RFX7: variants seen among roughly 807,000 people sequenced by gnomAD.
RFX7 encodes the protein DNA-binding protein RFX7.
A neutral mutation model predicts 111.8 loss-of-function variants in RFX7; 26 were observed. The observed-to-expected ratio is 0.23, with a 90% confidence interval of 0.17 to 0.32. The LOEUF (loss-of-function observed/expected upper bound fraction) is 0.32. RFX7 is among the 10% of genes least tolerant of loss of function. The pLI, the probability that RFX7 is intolerant of heterozygous loss-of-function variation, is 1.00. For synonymous variants in RFX7, 624 were observed against 624.4 expected (o/e 1.00, Z 0.01); for missense variants, 1,573 against 1,772.9 (o/e 0.89, Z 2.02).
rs966008123 is a variant in RFX7 at position 56,237,935 on chromosome 15, G to C, written c.161+5190C>G. ...TTTTGTGTGCTTGGTATTGAAGACAGGCTAAACTCAGGGTAGGTAGGAGGT... is the reference window on the plus strand; with the variant it reads ...TTTTGTGTGCTTGGTATTGAAGACACGCTAAACTCAGGGTAGGTAGGAGGT... On this transcript the variant is annotated intron_variant, in intron 2 of 9. Transcript: ENST00000559447. Among the ~76,000 whole-genome samples the C allele has an allele frequency of 2.6e-5, 4 of 152,136 alleles. No homozygotes were observed. The South Asian group carries it at 8.3e-4, about 32-fold the overall frequency.
chr15:56,099,786 C>G (rs2041729278), intron 8 of RFX7, among the ~76,000 whole-genome samples: 1 of 152,064 alleles, frequency 6.6e-6, no homozygotes, highest in African/African-American at 2.4e-5. Flanking sequence ...CCCTCTCAGG[C>G]TGATTGCTTT....
intron 2 of RFX7, among the ~76,000 whole-genome samples, chr15:56,205,861 T>TAA (rs568571729): frequency 1.8e-4 from 28 of 152,198 alleles, no homozygotes; most frequent in African/African-American, 6.7e-4. Context: ...ACTCACAGGT[T>TAA]AAAAAAAGAG....
intron 3 of RFX7, among the ~76,000 whole-genome samples, chr15:56,157,935 T>C (rs1252976875): frequency 1.3e-5 from 2 of 152,226 alleles, no homozygotes; most frequent in Admixed American, 1.3e-4. Context: ...CTGACTCTTC[T>C]AGAACTTATG....
At chr15:56,143,324 CAT>C (rs570317793) in intron 4 of RFX7, among the ~76,000 whole-genome samples, 80 of 147,796 alleles carry the variant, frequency 5.4e-4, no homozygotes, top group Non-Finnish European at 8.8e-4. Flanking sequence ...TATATATACA[CAT>C]GTATACACAT....
chr15:56,111,350 C>G (rs1224666722), intron 5 of RFX7, among the ~76,000 whole-genome samples: 1 of 151,964 alleles, frequency 6.6e-6, no homozygotes. Flanking sequence ...GACCTTACCC[C>G]CAACCCGGTG....
intron 5 of RFX7, among the ~76,000 whole-genome samples, chr15:56,108,960 A>G (rs547216434): frequency 6.6e-6 from 1 of 152,316 alleles, no homozygotes; most frequent in South Asian, 2.1e-4. Flanking sequence ...ACAGAGAATA[A>G]AATACCTAGC....
intron 2 of RFX7, among the ~76,000 whole-genome samples, chr15:56,212,170 T>A (rs910175580): frequency 9.9e-5 from 15 of 152,080 alleles, no homozygotes; most frequent in South Asian, 2.1e-4. Flanking sequence ...GATTCAGTGC[T>A]AAAAAGAAAT....
intron 3 of RFX7, among the ~76,000 whole-genome samples, chr15:56,167,182 C>T (rs1283554666): frequency 6.6e-6 from 1 of 151,816 alleles, no homozygotes; most frequent in Non-Finnish European, 1.5e-5. Context: ...GTGGTGTGCA[C>T]CTATAGTCCC....
At chr15:56,229,200 C>T (rs1348526967) in intron 2 of RFX7, among the ~76,000 whole-genome samples, 2 of 152,150 alleles carry the variant, frequency 1.3e-5, no homozygotes, top group African/African-American at 4.8e-5. Context: ...AGTGAAACTG[C>T]AGATAATGGG....
intron 5 of RFX7, among the ~76,000 whole-genome samples, chr15:56,111,661 C>CAAAAAAAAAAAAAAAAAAAAACAAA (rs371681721): frequency 5.3e-4 from 51 of 95,448 alleles, no homozygotes; most frequent in East Asian, 6.7e-4. Context: ...ATAAATAAAC[C>CAAAAAAAAAAAAAAAAAAAAACAAA]AAAAAAAAAA....
chr15:56,230,656 A>G (rs2043543381), intron 2 of RFX7, among the ~76,000 whole-genome samples: 1 of 152,250 alleles, frequency 6.6e-6, no homozygotes, highest in Non-Finnish European at 1.5e-5. Context: ...GTTTATTAGA[A>G]CAGCACTGGA....
At chr15:56,123,946 G>T (rs2042109606) in intron 5 of RFX7, among the ~76,000 whole-genome samples, 1 of 152,160 alleles carries the variant, frequency 6.6e-6, no homozygotes, top group Non-Finnish European at 1.5e-5. Flanking sequence ...AGCAATTCAA[G>T]ACTTTTTTTG....
intron 2 of RFX7, among the ~76,000 whole-genome samples, chr15:56,214,977 C>T (rs2043349482): frequency 1.3e-5 from 2 of 152,094 alleles, no homozygotes; most frequent in East Asian, 1.9e-4. Flanking sequence ...GAAATCTGTA[C>T]ATTTCTTGTT....
chr15:56,120,753 G>A (rs1374932551), intron 5 of RFX7, among the ~76,000 whole-genome samples: 4 of 152,010 alleles, frequency 2.6e-5, no homozygotes, highest in African/African-American at 9.7e-5. Context: ...ATTTTTCTGT[G>A]TATCTGTTGT....
intron 2 of RFX7, among the ~76,000 whole-genome samples, chr15:56,228,193 T>A (rs2043507457): frequency 6.6e-6 from 1 of 152,062 alleles, no homozygotes; most frequent in Non-Finnish European, 1.5e-5. Context: ...TTTTTTGGTA[T>A]TTACCATGCT....
chr15:56,117,830 T>C (rs2042027738), intron 5 of RFX7, among the ~76,000 whole-genome samples: 1 of 152,144 alleles, frequency 6.6e-6, no homozygotes. Flanking sequence ...TAAACAGTAT[T>C]CCATTGTGTA....
In RFX7 at chr15:56,168,038, T is replaced by C. The variant is rs535856091; in HGVS notation, c.195+11232A>G. Among the ~76,000 whole-genome samples the C allele has an allele frequency of 1.3e-3, 200 of 152,328 alleles. 2 individuals are homozygous for C. Among genetic ancestry groups the C allele is most frequent in the African/African-American group, 4.7e-3 (194 of 41,574 alleles). On this transcript the variant is annotated intron_variant, in intron 3 of 9. Transcript: ENST00000559447. Reference sequence around the variant, plus strand: ...CATACTTCAGAAAATCTGTAAAGCATGATATAGCATAGTTTTTTAAAAGTC... The same window carrying C: ...CATACTTCAGAAAATCTGTAAAGCACGATATAGCATAGTTTTTTAAAAGTC...
chr15:56,109,439 C>G (rs1282289973), intron 5 of RFX7, among the ~76,000 whole-genome samples: 2 of 151,820 alleles, frequency 1.3e-5, no homozygotes, highest in African/African-American at 2.4e-5. Flanking sequence ...CCCAAAGTGC[C>G]GAGATTGCAG....
intron 2 of RFX7, among the ~76,000 whole-genome samples, chr15:56,217,848 G>A (rs771655731): frequency 6.6e-6 from 1 of 152,046 alleles, no homozygotes; most frequent in African/African-American, 2.4e-5. Context: ...TCACTCAATC[G>A]AGCCAATCTG....
Sources: gnomAD v4.1 joint callset for allele counts (sites outside exome capture counted in the v4.1 genomes callset) on GRCh38, gnomAD v4.1.1 for gene constraint, MANE v1.5 for transcripts, NCBI Gene and HGNC (gene_info 2026-07-23, HGNC 2026-07-21) for gene names.